The following MEF2C variants were observed in gnomAD, a reference collection of about 807,000 sequenced individuals.
MEF2C encodes myocyte-specific enhancer factor 2C.
MEF2C carries 6 observed loss-of-function variants against 50.5 expected under a neutral mutation model. That is an observed-to-expected ratio of 0.12 (90% CI 0.07 to 0.23). The LOEUF (loss-of-function observed/expected upper bound fraction) is 0.23. MEF2C is among the 10% of genes least tolerant of loss of function. MEF2C has a pLI of 1.00. For synonymous variants in MEF2C, 183 were observed against 228.0 expected (o/e 0.80, Z 1.78); for missense variants, 276 against 605.0 (o/e 0.46, Z 5.70).
At chr5:88,743,491 T>C in intron 6 of MEF2C, 2 of 985,022 alleles carry the variant, frequency 2.0e-6, no homozygotes, top group South Asian at 4.7e-5. Flanking sequence ...TTCTATTTTG[T>C]AATATGCTAA....
chr5:88,775,883 G>A (rs1784520226), intron 3 of MEF2C: 1 of 880,760 alleles, frequency 1.1e-6, no homozygotes, highest in Non-Finnish European at 1.4e-6. Flanking sequence ...ATCTCATTTT[G>A]TTCCATTGAC....
intron 3 of MEF2C, among the ~76,000 whole-genome samples, chr5:88,779,488 A>G (rs576941621): frequency 1.1e-4 from 17 of 152,228 alleles, no homozygotes; most frequent in African/African-American, 3.9e-4. Flanking sequence ...AGTTTTGTTG[A>G]TCTGACACAG....
intron 6 of MEF2C, chr5:88,733,150 A>G (rs1762405755): frequency 1.0e-6 from 1 of 985,242 alleles, no homozygotes; most frequent in South Asian, 4.7e-5. Context: ...AGGTGATCCA[A>G]TAAAAGATTC....
chr5:88,777,766 C>T (rs2152834220), intron 3 of MEF2C, among the ~76,000 whole-genome samples: 1 of 152,050 alleles, frequency 6.6e-6, no homozygotes, highest in African/African-American at 2.4e-5. Context: ...GAAGGCCCTT[C>T]ACCAATATGT....
intron 1 of MEF2C, among the ~76,000 whole-genome samples, chr5:88,842,334 T>G (rs953993581): frequency 6.6e-6 from 1 of 152,132 alleles, no homozygotes; most frequent in African/African-American, 2.4e-5. Context: ...AATATTTTCC[T>G]AGCTTTACTG....
intron 6 of MEF2C, among the ~76,000 whole-genome samples, chr5:88,745,724 T>G (rs904597527): frequency 2.0e-5 from 3 of 151,874 alleles, no homozygotes; most frequent in African/African-American, 7.3e-5. Flanking sequence ...CTGAGGGAGG[T>G]GGACTGCTTG....
intron 1 of MEF2C, among the ~76,000 whole-genome samples, chr5:88,863,911 T>TCTG (rs956053501): frequency 6.6e-6 from 1 of 151,008 alleles, no homozygotes; most frequent in Non-Finnish European, 1.5e-5. Context: ...AACCTCTGCC[T>TCTG]CCCAGGTTCA....
chr5:88,827,856 C>CA lies in MEF2C; in HGVS notation c.-142-3927dup, dbSNP rs974290531. ...TAAAAAAAAGAATTATGAAAACCGG[C>CA]AAAAAAAAAATCAATGCATGCTGGT... On this transcript the variant is annotated intron_variant, in intron 1 of 10. Transcript: ENST00000504921. Among the ~76,000 whole-genome samples the CA allele has an allele frequency of 6.5e-3, 844 of 129,288 alleles. 1 individual carries two copies. The highest frequency in any genetic ancestry group is 0.017 in the African/African-American group (577 of 34,482). 84.8% of individuals were successfully genotyped at this position (129,288 alleles called of 152,430 possible).
chr5:88,858,951 T>C (rs1484447130), intron 1 of MEF2C, among the ~76,000 whole-genome samples: 2 of 152,224 alleles, frequency 1.3e-5, no homozygotes, highest in East Asian at 3.8e-4. Context: ...TTCTGAGGCC[T>C]ATGTATGGTG....
At chr5:88,779,461 A>G (rs1319111640) in intron 3 of MEF2C, among the ~76,000 whole-genome samples, 1 of 152,166 alleles carries the variant, frequency 6.6e-6, no homozygotes, top group Non-Finnish European at 1.5e-5. Context: ...CCAAGCAGAT[A>G]GATAGAAATC....
intron 1 of MEF2C, among the ~76,000 whole-genome samples, chr5:88,868,078 T>C (rs746725856): frequency 6.6e-6 from 1 of 152,100 alleles, no homozygotes; most frequent in Non-Finnish European, 1.5e-5. Flanking sequence ...TGGTACCCCC[T>C]GTGTTGGAAA....
chr5:88,788,287 G>T (rs1308557721), intron 3 of MEF2C, among the ~76,000 whole-genome samples: 1 of 151,998 alleles, frequency 6.6e-6, no homozygotes, highest in Non-Finnish European at 1.5e-5. Flanking sequence ...TGCAACCTCC[G>T]CCTCCCGGGC....
intron 6 of MEF2C, chr5:88,739,855 A>AGG (rs1487180680): frequency 2.0e-6 from 2 of 985,230 alleles, no homozygotes; most frequent in Non-Finnish European, 2.4e-6. Flanking sequence ...TAATGTAGAA[A>AGG]GGGGGCAAAT....
chr5:88,762,852 C>T (rs1345683247), intron 3 of MEF2C, among the ~76,000 whole-genome samples: 1 of 152,140 alleles, frequency 6.6e-6, no homozygotes, highest in African/African-American at 2.4e-5. Context: ...AAAGCTGTGA[C>T]ATCAAGCTAA....
chr5:88,900,350 T>C (rs1432196311), intron 1 of MEF2C, among the ~76,000 whole-genome samples: 1 of 151,858 alleles, frequency 6.6e-6, no homozygotes, highest in Non-Finnish European at 1.5e-5. Context: ...ATTATGCACT[T>C]GATATATACA....
At chr5:88,769,413 A>T (rs553661775) in intron 3 of MEF2C, among the ~76,000 whole-genome samples, 2 of 152,218 alleles carry the variant, frequency 1.3e-5, no homozygotes, top group Non-Finnish European at 1.5e-5. Context: ...TGGTGTTTGT[A>T]AGGATTCTTC....
chr5:88,890,230 A>G (rs1210721514), intron 1 of MEF2C, among the ~76,000 whole-genome samples: 1 of 152,268 alleles, frequency 6.6e-6, no homozygotes, highest in Non-Finnish European at 1.5e-5. Context: ...GGTATTCAGG[A>G]TAAAACACAC....
chr5:88,785,919 T>C (rs1002082958), intron 3 of MEF2C, among the ~76,000 whole-genome samples: 2 of 152,202 alleles, frequency 1.3e-5, no homozygotes, highest in African/African-American at 4.8e-5. Flanking sequence ...CTGTGGTTTT[T>C]TGAGGGCACT....
chr5:88,842,537 T>C (rs1160636484), intron 1 of MEF2C, among the ~76,000 whole-genome samples: 1 of 144,274 alleles, frequency 6.9e-6, no homozygotes, highest in African/African-American at 2.6e-5. Flanking sequence ...ACGTCAACAA[T>C]ATGGAAAAAA....
Sources: allele counts gnomAD v4.1 joint callset (sites outside exome capture counted in the v4.1 genomes callset), GRCh38; gene constraint gnomAD v4.1.1; transcripts MANE v1.5; gene names NCBI Gene and HGNC (gene_info 2026-07-23, HGNC 2026-07-21).